TMPRSS7: variants seen among roughly 807,000 people sequenced by gnomAD.
TMPRSS7 encodes the protein transmembrane serine protease 7.
Under a neutral mutation model 95.6 loss-of-function variants are expected in TMPRSS7, and 81 were observed. The observed-to-expected ratio is 0.85, with a 90% CI of 0.71 to 1.02. The LOEUF is 1.02. Ranked by LOEUF, TMPRSS7 falls within the 50% of genes least tolerant of loss-of-function variation. TMPRSS7 has a pLI of 0.00. For synonymous variants in TMPRSS7, 364 were observed against 337.8 expected, an observed-to-expected ratio of 1.08 and a Z score of -0.85; for missense variants, 945 against 955.2, an observed-to-expected ratio of 0.99 and a Z score of 0.14.
chr3:112,050,242 G>C (rs2073328577), intron 8 of TMPRSS7, among the ~76,000 whole-genome samples: 1 of 152,140 alleles, frequency 6.6e-6, no homozygotes, highest in South Asian at 2.1e-4. Flanking sequence ...AACATGTGCA[G>C]AAAGTAACTA....
intron 13 of TMPRSS7, among the ~76,000 whole-genome samples, chr3:112,071,720 T>A (rs981116521): frequency 3.3e-5 from 5 of 152,226 alleles, no homozygotes; most frequent in Non-Finnish European, 5.9e-5. Flanking sequence ...TGATACCCTT[T>A]CTTCCACTTG....
intron 12 of TMPRSS7, among the ~76,000 whole-genome samples, chr3:112,064,677 G>T (rs2073553209): frequency 6.6e-6 from 1 of 152,116 alleles, no homozygotes; most frequent in Non-Finnish European, 1.5e-5. Flanking sequence ...AAAAGAAAAA[G>T]TTTTGTTGTT....
chr3:112,049,009 C>T (rs917086431), intron 7 of TMPRSS7, among the ~76,000 whole-genome samples: 1 of 152,088 alleles, frequency 6.6e-6, no homozygotes, highest in African/African-American at 2.4e-5. Flanking sequence ...ACACAAACTT[C>T]CTAAAGCTAA....
chr3:112,063,665 A>G, intron 12 of TMPRSS7, 33 bp downstream of exon 12: 1 of 1,534,874 alleles, frequency 6.5e-7, no homozygotes, highest in Non-Finnish European at 9.0e-7. Flanking sequence ...TGACTTTCTT[A>G]TGAATAAGTA....
chr3:112,058,924 A>G (rs1426504313), intron 10 of TMPRSS7, among the ~76,000 whole-genome samples: 1 of 152,168 alleles, frequency 6.6e-6, no homozygotes, highest in African/African-American at 2.4e-5. Context: ...TACCCTCAGG[A>G]TTTAAAATGC....
intron 13 of TMPRSS7, among the ~76,000 whole-genome samples, chr3:112,072,761 G>A (rs993836230): frequency 6.6e-6 from 1 of 152,266 alleles, no homozygotes; most frequent in Non-Finnish European, 1.5e-5. Flanking sequence ...CTCTGTGGAC[G>A]TGGGACCTGC....
intron 12 of TMPRSS7, among the ~76,000 whole-genome samples, chr3:112,064,794 C>A (rs1224238715): frequency 6.6e-6 from 1 of 152,164 alleles, no homozygotes; most frequent in East Asian, 1.9e-4. Flanking sequence ...CTTAATTTTT[C>A]ATGACTATTT....
chr3:112,060,499 C>T (rs2073488355), intron 10 of TMPRSS7, among the ~76,000 whole-genome samples: 1 of 152,186 alleles, frequency 6.6e-6, no homozygotes, highest in South Asian at 2.1e-4. Flanking sequence ...CATTCTCTTT[C>T]TTAGGGATGT....
exon 15 of TMPRSS7, chr3:112,075,397 G>T: frequency 6.5e-7 from 1 of 1,540,124 alleles, no homozygotes; most frequent in Non-Finnish European, 8.8e-7. Flanking sequence ...GGCCGTGGCA[G>T]GTCAGCCTCC....
Position 112,047,083 on chromosome 3 carries a change from A to G in TMPRSS7, c.730+71A>G, listed in dbSNP as rs2073288398. The G allele has an allele frequency of 8.6e-6, 6 of 694,664 alleles. No individual in the cohort carries two copies. The South Asian group carries it at 9.2e-5, about 11-fold the overall frequency. 43.0% of individuals were successfully genotyped at this position (694,664 alleles called of 1,614,324 possible). ...TTTTGGCTGTAATTTTCATTTTCTAATTGATGGTATTTGTTAGTGCTCTTT... is the reference window on the plus strand; with the variant it reads ...TTTTGGCTGTAATTTTCATTTTCTAGTTGATGGTATTTGTTAGTGCTCTTT... On this transcript the variant is annotated intron_variant, in intron 6 of 17. Transcript: ENST00000452346.
chr3:112,080,834 C>T, intron 17 of TMPRSS7, 80 bp from the exon 18 acceptor site: 1 of 1,419,852 alleles, frequency 7.0e-7, no homozygotes, highest in Non-Finnish European at 9.5e-7. Context: ...CTCTTGAACA[C>T]AATTCATTAG....
chr3:112,070,666 C>CT (rs1475505786), intron 13 of TMPRSS7, among the ~76,000 whole-genome samples: 1 of 151,610 alleles, frequency 6.6e-6, no homozygotes, highest in Non-Finnish European at 1.5e-5. Context: ...CTTTTTTTTG[C>CT]TTTTCATTTG....
At chr3:112,060,671 G>C (rs1281525869) in intron 10 of TMPRSS7, among the ~76,000 whole-genome samples, 1 of 152,200 alleles carries the variant, frequency 6.6e-6, no homozygotes, top group Non-Finnish European at 1.5e-5. Context: ...AAGGTGCCCA[G>C]ATTTCATATT....
intron 16 of TMPRSS7, among the ~76,000 whole-genome samples, chr3:112,078,136 T>C (rs1180915795): frequency 6.6e-6 from 1 of 152,230 alleles, no homozygotes; most frequent in African/African-American, 2.4e-5. Context: ...CAGCTGACTG[T>C]GAACACTTGT....
intron 13 of TMPRSS7, among the ~76,000 whole-genome samples, chr3:112,069,111 A>G (rs2073611207): frequency 6.6e-6 from 1 of 152,162 alleles, no homozygotes; most frequent in Non-Finnish European, 1.5e-5. Context: ...TTCTGTTTAC[A>G]TGATGGATTA....
chr3:112,051,649 T>TATC (rs777762417), intron 9 of TMPRSS7, among the ~76,000 whole-genome samples: 1,168 of 82,714 alleles, frequency 0.014, 6 homozygotes, highest in Middle Eastern at 0.038. Context: ...TCTATCTATC[T>TATC]ATCTATCTAT....
chr3:112,068,871 T>C (rs1466071862), intron 13 of TMPRSS7, among the ~76,000 whole-genome samples: 1 of 151,972 alleles, frequency 6.6e-6, no homozygotes, highest in Non-Finnish European at 1.5e-5. Flanking sequence ...TGAATAGGAG[T>C]GGTGAGAGGG....
rs370014303 is a variant in TMPRSS7, at chr3:112,078,726, C to T, written c.2225-16C>T. On this transcript the variant is annotated splice_polypyrimidine_tract_variant and intron_variant, in intron 16 of 17. Transcript: ENST00000452346. ...ATTACCACTAACATCATTTCTACTT[C>T]CAATGTGTTTTGCAGATAATAAAGG... 6.2e-7 allele frequency: 1 copy of T among 1,613,892 alleles called. No individual in the cohort carries two copies. Among genetic ancestry groups the T allele is most frequent in the Non-Finnish European group, 8.5e-7 (1 of 1,179,850 alleles).
intron 11 of TMPRSS7, among the ~76,000 whole-genome samples, chr3:112,063,017 C>T (rs764532587): frequency 5.9e-5 from 9 of 152,142 alleles, no homozygotes; most frequent in Non-Finnish European, 1.3e-4. Context: ...CTAGGTCCAA[C>T]GTGATAAGAG....
Sources: gnomAD v4.1 joint callset for allele counts (sites outside exome capture counted in the v4.1 genomes callset) on GRCh38, gnomAD v4.1.1 for gene constraint, MANE v1.5 for transcripts, NCBI Gene and HGNC (gene_info 2026-07-23, HGNC 2026-07-21) for gene names.